TRABD2B: variants seen among roughly 807,000 people sequenced by gnomAD.
The protein encoded by TRABD2B is metalloprotease TIKI2.
In TRABD2B, 14 loss-of-function variants were observed where a neutral mutation model predicts 40.1. The ratio of observed to expected loss-of-function variants is 0.35; its 90% CI spans 0.23 to 0.55. TRABD2B has a LOEUF of 0.55. TRABD2B is among the 20% of genes least tolerant of loss of function. The pLI is 0.90. For synonymous variants in TRABD2B, 263 were observed against 277.0 expected (o/e 0.95, Z 0.50); for missense variants, 541 against 648.6 (o/e 0.83, Z 1.80).
intron 2 of TRABD2B, among the ~76,000 whole-genome samples, chr1:47,926,362 G>A (rs755362325): frequency 6.6e-6 from 1 of 152,100 alleles, no homozygotes; most frequent in Non-Finnish European, 1.5e-5. Context: ...AGATCTGCCC[G>A]GGCCAAGTCA....
intron 2 of TRABD2B, among the ~76,000 whole-genome samples, chr1:47,870,562 G>A (rs991098833): frequency 7.2e-5 from 11 of 152,094 alleles, no homozygotes; most frequent in Non-Finnish European, 1.0e-4. Flanking sequence ...TCATGCGCAC[G>A]TCCCCTCCTG....
rs556867841 is a variant in TRABD2B at position 47,849,779 on chromosome 1, C to T, written c.667-48160G>A. On this transcript the variant is annotated intron_variant, in intron 2 of 6. Coordinates refer to ENST00000606738, the MANE Select transcript of TRABD2B (RefSeq NM_001194986.2). The stretch of plus-strand genomic sequence containing the variant: ...GGCAAACCTGGCCCCTGAAGGCCAA[C>T]GTGGCTCCCGCCCAAGGTTTTTGCT... Among the ~76,000 whole-genome samples the T allele has an allele frequency of 3.9e-5, 6 of 152,346 alleles. 1 individual carries two copies. The highest frequency in any genetic ancestry group is 4.1e-4 in the South Asian group (2 of 4,830).
chr1:47,975,704 C>T (rs1645745704), intron 2 of TRABD2B, among the ~76,000 whole-genome samples: 1 of 152,162 alleles, frequency 6.6e-6, no homozygotes, highest in Non-Finnish European at 1.5e-5. Context: ...CAGCTCTTGT[C>T]CTAGAGCGGC....
chr1:47,816,498 T>G (rs1357236835), intron 2 of TRABD2B, among the ~76,000 whole-genome samples: 2 of 152,222 alleles, frequency 1.3e-5, no homozygotes, highest in African/African-American at 2.4e-5. Flanking sequence ...TTTTTGAATG[T>G]GCAATTTGTT....
At chr1:47,807,832 A>AT (rs1186280284) in intron 2 of TRABD2B, among the ~76,000 whole-genome samples, 2 of 152,216 alleles carry the variant, frequency 1.3e-5, no homozygotes, top group African/African-American at 4.8e-5. Flanking sequence ...GAAACAGAGC[A>AT]TTTTTGGTGT....
At chr1:47,923,590 CA>C (rs1265709851) in intron 2 of TRABD2B, among the ~76,000 whole-genome samples, 1 of 152,162 alleles carries the variant, frequency 6.6e-6, no homozygotes, top group Non-Finnish European at 1.5e-5. Context: ...CCATGGTATC[CA>C]GATATTTGGT....
At chr1:47,929,933 A>G (rs762030265) in intron 2 of TRABD2B, among the ~76,000 whole-genome samples, 24 of 152,090 alleles carry the variant, frequency 1.6e-4, no homozygotes, top group Non-Finnish European at 2.2e-4. Flanking sequence ...CAGCCCCCCA[A>G]TGCCCTGCTC....
chr1:47,907,358 G>A (rs1208906846), intron 2 of TRABD2B, among the ~76,000 whole-genome samples: 3 of 152,184 alleles, frequency 2.0e-5, no homozygotes, highest in African/African-American at 7.2e-5. Context: ...GCAAGAACAG[G>A]TGGGCCCACC....
intron 2 of TRABD2B, among the ~76,000 whole-genome samples, chr1:47,807,313 T>C (rs979978998): frequency 1.3e-5 from 2 of 152,144 alleles, no homozygotes; most frequent in African/African-American, 4.8e-5. Context: ...AGGAAGAGTG[T>C]TTCTGGAATG....
chr1:47,920,580 A>G (rs1644888681), intron 2 of TRABD2B, among the ~76,000 whole-genome samples: 1 of 152,208 alleles, frequency 6.6e-6, no homozygotes, highest in African/African-American at 2.4e-5. Context: ...ATGGCTCTGA[A>G]GTGGGGAAAC....
chr1:47,997,185 G>A lies in TRABD2B; in HGVS notation c.-396C>T. ...GTCCCGGGGTTATGCTGGGCACCCG[G>A]GGCACGCAAGGGTCCCAGGGGTGCG... On this transcript the variant is annotated 5_prime_UTR_variant, in exon 1 of 7. Transcript: ENST00000606738. 2 of 983,528 alleles carry A rather than the reference G, an allele frequency of 2.0e-6. No homozygotes were observed. The highest frequency in any genetic ancestry group is 2.4e-6 in the Non-Finnish European group (2 of 829,206). The allele number at this position is 983,528 out of a possible 1,614,324, so 60.9% of individuals were successfully genotyped here. A position where few individuals can be genotyped will look rare whatever the true frequency, so the allele number is the denominator to read the frequency against.
chr1:47,952,473 C>A (rs887808949), intron 2 of TRABD2B, among the ~76,000 whole-genome samples: 1 of 152,166 alleles, frequency 6.6e-6, no homozygotes, highest in Non-Finnish European at 1.5e-5. Context: ...AGAAGAATGC[C>A]AGGCTACTTC....
chr1:47,986,580 C>T (rs1645921914), intron 2 of TRABD2B, among the ~76,000 whole-genome samples: 1 of 152,126 alleles, frequency 6.6e-6, no homozygotes, highest in South Asian at 2.1e-4. Flanking sequence ...GTGGCTGGGT[C>T]ATTAAGTAAA....
chr1:47,901,673 A>G (rs1265440713), intron 2 of TRABD2B, among the ~76,000 whole-genome samples: 1 of 152,224 alleles, frequency 6.6e-6, no homozygotes, highest in African/African-American at 2.4e-5. Flanking sequence ...TAACACTGAT[A>G]TAGATTGATT....
Position 47,997,323 on chromosome 1 carries a change from C to A in TRABD2B, c.-534G>T. ...GAGCCCGGCTCAGAGGGGCGGCGGG[C>A]GGCCGCGCGGCCGCTGCCCGGGCTC... is the stretch of plus-strand genomic sequence containing the variant. On this transcript the variant is annotated 5_prime_UTR_variant, in exon 1 of 7. Transcript: ENST00000606738. 6 of 515,398 alleles carry A rather than the reference C, an allele frequency of 1.2e-5. No individual in the cohort carries two copies. The highest frequency in any genetic ancestry group is 1.5e-5 in the Non-Finnish European group (6 of 406,866). The allele number at this position is 515,398 out of a possible 1,614,324, so 31.9% of individuals were successfully genotyped here. A position where few individuals can be genotyped will look rare whatever the true frequency, so the allele number is the denominator to read the frequency against.
intron 2 of TRABD2B, among the ~76,000 whole-genome samples, chr1:47,959,767 C>G (rs303922): frequency 0.96 from 146,544 of 152,204 alleles, 70,812 homozygotes; most frequent in Non-Finnish European, 1. Context: ...ATTCACAGCC[C>G]AATTCTACCA....
intron 2 of TRABD2B, among the ~76,000 whole-genome samples, chr1:47,876,550 T>C (rs1430140198): frequency 6.6e-6 from 1 of 152,152 alleles, no homozygotes. Flanking sequence ...GGGGAGGGGC[T>C]AGGAAATCCC....
At chr1:47,914,718 G>A (rs6684538) in intron 2 of TRABD2B, among the ~76,000 whole-genome samples, 69,954 of 152,094 alleles carry the variant, frequency 0.46, 17,909 homozygotes, top group Middle Eastern at 0.62. Context: ...TGGTCCATTG[G>A]CACTGCTCAG....
intron 2 of TRABD2B, among the ~76,000 whole-genome samples, chr1:47,854,173 G>C (rs549146521): frequency 1.3e-5 from 2 of 152,164 alleles, no homozygotes; most frequent in East Asian, 1.9e-4. Context: ...AAATGGGGAC[G>C]GTCTCCTGGG....
Sources: allele counts gnomAD v4.1 joint callset (sites outside exome capture counted in the v4.1 genomes callset), GRCh38; gene constraint gnomAD v4.1.1; transcripts MANE v1.5; gene names NCBI Gene and HGNC (gene_info 2026-07-23, HGNC 2026-07-21).